Variants in ACOX2 observed in about 807,000 individuals in gnomAD.
ACOX2 encodes peroxisomal acyl-coenzyme A oxidase 2.
Under a neutral mutation model 77.5 loss-of-function variants are expected in ACOX2, and 59 were observed. That is an observed-to-expected ratio of 0.76 (90% CI 0.62 to 0.95). The LOEUF is 0.95. ACOX2 is among the 40% of genes least tolerant of loss of function. The probability of loss-of-function intolerance (pLI) is 0.00; values close to 1 mark genes in which losing one functional copy is unlikely to be tolerated. For synonymous variants in ACOX2, 317 were observed against 340.1 expected, an observed-to-expected ratio of 0.93 and a Z score of 0.75; for missense variants, 837 against 880.4, an observed-to-expected ratio of 0.95 and a Z score of 0.62.
At position 58,521,106 on chromosome 3, in the gene ACOX2, A is replaced by C. The variant is rs1195227832; in HGVS notation, c.1632+1390T>G. On this transcript the variant is annotated intron_variant, in intron 12 of 14. Coordinates refer to ENST00000302819, the MANE Select transcript of ACOX2 (RefSeq NM_003500.4). This position sits in a 1 kb window ranked among gnomAD's most constrained non-coding sequence, Gnocchi z 4.8. ...TGGTTTCTGTTTTGGTGATCCAGTG[A>C]AAGCAGGAAGCCTTGGCTCACCCTC... 6.6e-6 allele frequency among the ~76,000 whole-genome samples: 1 copy of C among 152,218 alleles called. No homozygotes were observed. Among genetic ancestry groups the C allele is most frequent in the Non-Finnish European group, 1.5e-5 (1 of 68,036 alleles).
rs1423439204 is a variant in ACOX2, at chr3:58,526,591, C to T, written c.1221G>A (p.Met407Ile). The change falls in exon 10 of 15, where the codon ATG becomes ATA. Residue 407 changes from methionine (M) to isoleucine (I), a missense_variant. Met to Ile is a conservative substitution (Grantham distance 10, BLOSUM62 1). Coordinates refer to ENST00000302819, the MANE Select transcript of ACOX2 (RefSeq NM_003500.4). This position sits in a 1 kb window ranked among gnomAD's most constrained non-coding sequence, Gnocchi z 4.3. ...MSEFCTQGAE[M>I]CRRACGGHGY... ...CATGTCCGCCACAGGCCCTGCGGCA[C>T]ATCTCAGCTCCCTGGGTGCAGAATT... The T allele has an allele frequency of 1.3e-5, 21 of 1,614,118 alleles. No individual in the cohort carries two copies. Among genetic ancestry groups the T allele is most frequent in the Admixed American group, 3.3e-5 (2 of 60,012 alleles).
intron 13 of ACOX2, among the ~76,000 whole-genome samples, chr3:58,510,071 C>G (rs561910846): frequency 6.6e-6 from 1 of 152,136 alleles, no homozygotes; most frequent in Non-Finnish European, 1.5e-5. Flanking sequence ...TCCTACCTCC[C>G]CTTGTTCCCA....
At chr3:58,506,566 A>G (rs6790046) in intron 14 of ACOX2, among the ~76,000 whole-genome samples, 137,947 of 152,240 alleles carry the variant, frequency 0.91, 62,627 homozygotes, top group East Asian at 1. Flanking sequence ...GCTGAGGCAG[A>G]CGGATCATTT....
chr3:58,530,740 C>A, intron 7 of ACOX2, 102 bp from the exon 8 acceptor site: 1 of 1,345,984 alleles, frequency 7.4e-7, no homozygotes, highest in South Asian at 1.4e-5. Context: ...GCACCTCGCC[C>A]CTCAACCGGC....
Position 58,528,888 on chromosome 3 carries a change from C to G in ACOX2, c.1061G>C (p.Ser354Thr). 6.2e-7 allele frequency: 1 copy of G among 1,613,770 alleles called. No homozygotes were observed. Among genetic ancestry groups the G allele is most frequent in the Non-Finnish European group, 8.5e-7 (1 of 1,179,848 alleles). ...QQKLFPQLAI[S>T]YAFHFLAVSL... Reference sequence around the variant, plus strand: ...GACTGCCAGGAAATGGAAGGCATAACTGATGGCCAGCTGAGGAAAGAGTTT... The same window carrying G: ...GACTGCCAGGAAATGGAAGGCATAAGTGATGGCCAGCTGAGGAAAGAGTTT... Residue 354 changes from serine (S) to threonine (T), a missense_variant, in exon 9 of 15, where the codon AGT becomes ACT. By Grantham distance (58) the Ser-to-Thr change is moderately conservative (BLOSUM62 1). Coordinates refer to ENST00000302819, the MANE Select transcript of ACOX2 (RefSeq NM_003500.4). The surrounding 1 kb of genome is among the most constrained non-coding windows in gnomAD (Gnocchi z 5.6).
rs906649754 is a variant in ACOX2, at chr3:58,528,683, G to A, written c.1155+111C>T. The A allele has an allele frequency of 2.2e-6, 3 of 1,342,664 alleles. No individual in the cohort carries two copies. In the African/African-American group the frequency reaches 4.4e-5, roughly 20 times the overall value. 83.2% of individuals were successfully genotyped at this position (1,342,664 alleles called of 1,614,324 possible). ...CCTGGGATGCTGAAAGCTGGGAGAG[G>A]TGGGGGTGGGGAGTGCCCATGGGGA... is the stretch of plus-strand genomic sequence containing the variant. On this transcript the variant is annotated intron_variant, in intron 9 of 14. Coordinates refer to ENST00000302819, the MANE Select transcript of ACOX2 (RefSeq NM_003500.4). The surrounding 1 kb of genome is among the most constrained non-coding windows in gnomAD (Gnocchi z 5.6).
chr3:58,520,105 G>T (rs570186519), intron 12 of ACOX2, among the ~76,000 whole-genome samples: 1 of 152,290 alleles, frequency 6.6e-6, no homozygotes, highest in South Asian at 2.1e-4. Flanking sequence ...TGTGTGTGTT[G>T]GTTTAAATCT....
chr3:58,525,009 G>C lies in ACOX2; in HGVS notation c.1347-404C>G, dbSNP rs888627754. On this transcript the variant is annotated intron_variant, in intron 10 of 14. Transcript: ENST00000302819. The surrounding 1 kb of genome is among the most constrained non-coding windows in gnomAD (Gnocchi z 5.0). ...TGCTAACAGGAGTAGGAGGATTATA[G>C]GTGACTCTCAACTGCTGCTTTAGGA... Among the ~76,000 whole-genome samples, 1 of 152,226 alleles carries C rather than the reference G, an allele frequency of 6.6e-6. No homozygotes were observed. Among genetic ancestry groups the C allele is most frequent in the Non-Finnish European group, 1.5e-5 (1 of 68,038 alleles).
Position 58,534,867 on chromosome 3 carries a change from A to G in ACOX2, c.160+80T>C, listed in dbSNP as rs1276285835. The G allele has an allele frequency of 4.4e-6, 7 of 1,587,112 alleles. No individual in the cohort carries two copies. The highest frequency in any genetic ancestry group is 5.2e-6 in the Non-Finnish European group (6 of 1,160,966). ...AGGGCAAAGTTTGTTATTTGGAAGC[A>G]GAACTGCTAATGAAGGACTCTTCTT... is the stretch of plus-strand genomic sequence containing the variant. On this transcript the variant is annotated intron_variant, in intron 2 of 14. Coordinates refer to ENST00000302819, the MANE Select transcript of ACOX2 (RefSeq NM_003500.4). This position sits in a 1 kb window ranked among gnomAD's most constrained non-coding sequence, Gnocchi z 4.8.
At chr3:58,506,892 G>T (rs938597250) in intron 14 of ACOX2, among the ~76,000 whole-genome samples, 1 of 152,142 alleles carries the variant, frequency 6.6e-6, no homozygotes, top group Admixed American at 6.5e-5. Context: ...CAAAATTATA[G>T]CATTATATCT....
Position 58,530,488 on chromosome 3 carries a change from G to A in ACOX2, c.970C>T (p.Arg324Cys), listed in dbSNP as rs776802480. Residue 324 changes from arginine (R) to cysteine (C), a missense_variant, in exon 8 of 15, where the codon CGC becomes TGC. Physicochemically the swap from Arg to Cys is radical, Grantham distance 180. Transcript: ENST00000302819. ...TGCCTGGGCCGGAGCCGGGATTGGC[G>A]GCGGATGACCGAGTAGCGCATGGCG... is the stretch of plus-strand genomic sequence containing the variant. ...VIAMRYSVIR[R>C]QSRLRPSDPE... The A allele has an allele frequency of 6.8e-6, 11 of 1,614,028 alleles. No individual in the cohort carries two copies. Among genetic ancestry groups the A allele is most frequent in the South Asian group, 5.5e-5 (5 of 91,090 alleles).
At chr3:58,527,172 G>A (rs2063401298) in intron 9 of ACOX2, among the ~76,000 whole-genome samples, 1 of 152,094 alleles carries the variant, frequency 6.6e-6, no homozygotes, top group Non-Finnish European at 1.5e-5. Context: ...GGTAGTAGGA[G>A]TTGGGGCCTT....
Position 58,534,433 on chromosome 3 carries a change from C to T in ACOX2, c.250G>A (p.Ala84Thr). Residue 84 changes from alanine to threonine, a missense_variant, in exon 3 of 15, where the codon GCA (alanine) becomes ACA (threonine). By Grantham distance (58) the Ala-to-Thr change is moderately conservative. Coordinates refer to ENST00000302819, the MANE Select transcript of ACOX2 (RefSeq NM_003500.4). This position sits in a 1 kb window ranked among gnomAD's most constrained non-coding sequence, Gnocchi z 4.8. The stretch of plus-strand genomic sequence containing the variant: ...CGAGCTATCAACCGGATGTGGAATG[C>T]CCTCCGCATGGCAGCCTTATAACGC... ...NERYKAAMRRAFHIRLIARRL... is the reference protein window; with the variant it reads ...NERYKAAMRRTFHIRLIARRL... 1 of 1,614,198 alleles carries T rather than the reference C, an allele frequency of 6.2e-7. No individual in the cohort carries two copies. Among genetic ancestry groups the T allele is most frequent in the Non-Finnish European group, 8.5e-7 (1 of 1,180,036 alleles).
In ACOX2 at chr3:58,505,215, T is replaced by C. The variant is rs1431062320; in HGVS notation, c.*9A>G. On this transcript the variant is annotated 3_prime_UTR_variant, in exon 15 of 15. Coordinates refer to ENST00000302819, the MANE Select transcript of ACOX2 (RefSeq NM_003500.4). This position sits in a 1 kb window ranked among gnomAD's most constrained non-coding sequence, Gnocchi z 4.4. ...GGTGCTGGTTGCTTCTTGAATACTGTTGGTTATTTCATAGCTTGGATCTCC... is the reference window on the plus strand; with the variant it reads ...GGTGCTGGTTGCTTCTTGAATACTGCTGGTTATTTCATAGCTTGGATCTCC... 6.2e-7 allele frequency: 1 copy of C among 1,611,238 alleles called. No individual in the cohort carries two copies. The highest frequency in any genetic ancestry group is 1.3e-5 in the African/African-American group (1 of 74,842).
In ACOX2 at chr3:58,534,067, C is replaced by G. The variant is rs2063460412; in HGVS notation, c.402G>C (p.Gln134His). 6.2e-7 allele frequency: 1 copy of G among 1,614,084 alleles called. No homozygotes were observed. Among genetic ancestry groups the G allele is most frequent in the South Asian group, 1.1e-5 (1 of 91,086 alleles). ...TGCAGAGTGGGTCCCATTTGGCAAT[C>G]TGCTCCTCTGAGCCCAGGCTCCTGA... ...RALRSLGSEEQIAKWDPLCKN... is the reference protein window; with the variant it reads ...RALRSLGSEEHIAKWDPLCKN... The change falls in exon 4 of 15, where the codon CAG (glutamine) becomes CAC (histidine). Residue 134 changes from glutamine (Q) to histidine (H), a missense_variant. Gln to His is a conservative substitution (Grantham distance 24). Transcript: ENST00000302819. The surrounding 1 kb of genome is among the most constrained non-coding windows in gnomAD (Gnocchi z 4.8).
intron 8 of ACOX2, among the ~76,000 whole-genome samples, chr3:58,529,914 G>A (rs1194609119): frequency 6.6e-6 from 1 of 152,228 alleles, no homozygotes; most frequent in Admixed American, 6.5e-5. Context: ...GTGGGGTGGA[G>A]GGAGTGGTAG....
chr3:58,526,562 T>A lies in ACOX2; in HGVS notation c.1250A>T (p.Tyr417Phe). The A allele has an allele frequency of 6.2e-7, 1 of 1,614,158 alleles. No homozygotes were observed. ...MCRRACGGHG[Y>F]SKLSGLPSLV... ...TGATGGCAGGCCACTCAGCTTTGAG[T>A]AGCCATGTCCGCCACAGGCCCTGCG... Residue 417 changes from tyrosine (Y) to phenylalanine (F), a missense_variant, in exon 10 of 15, where the codon TAC (tyrosine) becomes TTC (phenylalanine). Transcript: ENST00000302819. The surrounding 1 kb of genome is among the most constrained non-coding windows in gnomAD (Gnocchi z 4.3).
rs527305510 is a variant in ACOX2, at chr3:58,531,026, C to G, written c.819+225G>C. 4.6e-5 allele frequency among the ~76,000 whole-genome samples: 7 copies of G among 152,318 alleles called. No homozygotes were observed. The highest frequency in any genetic ancestry group is 1.7e-4 in the African/African-American group (7 of 41,564). On this transcript the variant is annotated intron_variant, in intron 7 of 14. Coordinates refer to ENST00000302819, the MANE Select transcript of ACOX2 (RefSeq NM_003500.4). The surrounding 1 kb of genome is among the most constrained non-coding windows in gnomAD (Gnocchi z 5.8). ...CCCACCCCACGATTGCTCTGTCAGC[C>G]TATGTGACGAGCATTTCTGCATGAG...
chr3:58,510,695 TATATATATATATATACAC>T lies in ACOX2; in HGVS notation c.1851-1688_1851-1671del, dbSNP rs1449868823. Among the ~76,000 whole-genome samples, 29 of 9,398 alleles carry T rather than the reference TATATATATATATATACAC, an allele frequency of 3.1e-3. 1 individual carries two copies. The highest frequency in any genetic ancestry group is 4.5e-3 in the African/African-American group (14 of 3,142). The allele number at this position is 9,398 out of a possible 152,430, so 6.2% of individuals were successfully genotyped here. A position where few individuals can be genotyped will look rare whatever the true frequency, so the allele number is the denominator to read the frequency against. On this transcript the variant is annotated intron_variant, in intron 13 of 14. Transcript: ENST00000302819. ...ATATATATATATATATATATATATA[TATATATATATATATACAC>T]ACACACACACACACACACACACACA... is the stretch of plus-strand genomic sequence containing the variant.
Sources: allele counts gnomAD v4.1 joint callset (sites outside exome capture counted in the v4.1 genomes callset), GRCh38; gene constraint gnomAD v4.1.1; non-coding constraint Gnocchi (gnomAD v3.1); transcripts MANE v1.5; gene names NCBI Gene and HGNC (gene_info 2026-07-23, HGNC 2026-07-21).